Variants in KIF13A observed in about 807,000 individuals in gnomAD.
The protein encoded by KIF13A is kinesin family member 13A.
Under a neutral mutation model 212.2 loss-of-function variants are expected in KIF13A, and 79 were observed. The ratio of observed to expected loss-of-function variants is 0.37; its 90% CI spans 0.31 to 0.45. The LOEUF is 0.45. Ranked by LOEUF, KIF13A falls within the 20% of genes least tolerant of loss-of-function variation. KIF13A has a pLI of 1.00. For missense variants in KIF13A, 1,901 were observed against 2,209.0 expected (o/e 0.86, Z 2.79); for synonymous variants, 789 against 808.6 (o/e 0.98, Z 0.41).
intron 17 of KIF13A, among the ~76,000 whole-genome samples, chr6:17,815,221 G>A (rs116265524): frequency 6.6e-6 from 1 of 152,144 alleles, no homozygotes; most frequent in African/African-American, 2.4e-5. Flanking sequence ...TACTGCTATC[G>A]AGAAGGCAGA....
Position 17,804,395 on chromosome 6 carries a change from T to G in KIF13A, c.2420A>C (p.Gln807Pro). 6.4e-7 allele frequency: 1 copy of G among 1,554,042 alleles called. No homozygotes were observed. The highest frequency in any genetic ancestry group is 8.7e-7 in the Non-Finnish European group (1 of 1,148,028). Residue 807 changes from glutamine (Q) to proline (P), a missense_variant, in exon 20 of 39, where the codon CAG becomes CCG. By Grantham distance (76) the Gln-to-Pro change is moderately conservative. Transcript: ENST00000259711. The part of the protein sequence containing the change: ...LECLFCDVKL[Q>P]YAVPIISQQG... ...CTGGCTGATGATAGGGACTGCATAC[T>G]GAAGTTTCACATCACAGAAGAGGCA...
intron 2 of KIF13A, among the ~76,000 whole-genome samples, chr6:17,941,802 T>C (rs1170378798): frequency 1.3e-5 from 2 of 151,698 alleles, no homozygotes; most frequent in African/African-American, 2.4e-5. Context: ...TTTTTTTTTT[T>C]GGTTCCCAAT....
chr6:17,935,052 A>G (rs1776341711), intron 2 of KIF13A, among the ~76,000 whole-genome samples: 1 of 152,136 alleles, frequency 6.6e-6, no homozygotes. Context: ...CAAAATAAAT[A>G]TTTAATAACA....
chr6:17,763,484 AAAAAAAAAAAAG>A (rs1307029616), downstream of KIF13A, among the ~76,000 whole-genome samples: 2,073 of 150,370 alleles, frequency 0.014, 51 homozygotes, highest in African/African-American at 0.048. Flanking sequence ...TCAAAAAAAA[AAAAAAAAAAAAG>A]AAAAAAGAAA....
intron 38 of KIF13A, among the ~76,000 whole-genome samples, chr6:17,765,594 A>T (rs1181412557): frequency 6.6e-6 from 1 of 152,204 alleles, no homozygotes; most frequent in East Asian, 1.9e-4. Flanking sequence ...AAGTATGAGT[A>T]GAGGGTTTGG....
At chr6:17,765,722 C>T (rs1450875346) in intron 38 of KIF13A, among the ~76,000 whole-genome samples, 1 of 152,112 alleles carries the variant, frequency 6.6e-6, no homozygotes, top group East Asian at 1.9e-4. Context: ...CACCAACTCC[C>T]CAGTCTCTCT....
chr6:17,763,997 G>C lies in KIF13A; in HGVS notation c.*113C>G. On this transcript the variant is annotated 3_prime_UTR_variant, in exon 39 of 39. Transcript: ENST00000259711. ...TCCGACAGAGACAGCTGTGCAGGAAGTGAGCCTGCTTCTCTGTGGGCTCAT... is the reference window on the plus strand; with the variant it reads ...TCCGACAGAGACAGCTGTGCAGGAACTGAGCCTGCTTCTCTGTGGGCTCAT... The C allele has an allele frequency of 6.8e-7, 1 of 1,464,264 alleles. No homozygotes were observed. The highest frequency in any genetic ancestry group is 9.0e-7 in the Non-Finnish European group (1 of 1,107,340). 90.7% of individuals were successfully genotyped at this position (1,464,264 alleles called of 1,614,324 possible). A position where few individuals can be genotyped will look rare whatever the true frequency, so the allele number is the denominator to read the frequency against.
Position 17,982,837 on chromosome 6 carries a change from T to C in KIF13A, c.146+4217A>G, listed in dbSNP as rs1392840868. 3.3e-5 allele frequency among the ~76,000 whole-genome samples: 5 copies of C among 151,918 alleles called. No homozygotes were observed. On this transcript the variant is annotated intron_variant, in intron 2 of 38. Coordinates refer to ENST00000259711, the MANE Select transcript of KIF13A (RefSeq NM_022113.6). The surrounding 1 kb of genome is among the most constrained non-coding windows in gnomAD (Gnocchi z 5.1). Reference sequence around the variant, plus strand: ...CCACCACTACCATTCACACTGAATGTAAAAAAGAATGAGTAAGTCTTAATA... The same window carrying C: ...CCACCACTACCATTCACACTGAATGCAAAAAAGAATGAGTAAGTCTTAATA...
rs116669112 is a variant in KIF13A at position 17,871,367 on chromosome 6, G to A, written c.220+2010C>T. ...TTTCTCTTTCTCTTTAAAATCTGGT[G>A]CCTTTCCAGATTTTATCTCTCCTTG... On this transcript the variant is annotated intron_variant, in intron 4 of 38. Transcript: ENST00000259711. This position sits in a 1 kb window ranked among gnomAD's most constrained non-coding sequence, Gnocchi z 4.4. Among the ~76,000 whole-genome samples, 1,828 of 151,932 alleles carry A rather than the reference G, an allele frequency of 0.012. 38 individuals carry two copies. The highest frequency in any genetic ancestry group is 0.042 in the African/African-American group (1,736 of 41,398).
At position 17,912,153 on chromosome 6, in the gene KIF13A, C is replaced by T. The variant is rs1774129120; in HGVS notation, c.147-13973G>A. On this transcript the variant is annotated intron_variant, in intron 2 of 38. Transcript: ENST00000259711. The surrounding 1 kb of genome is among the most constrained non-coding windows in gnomAD (Gnocchi z 4.2). ...GATAAATGCTTGAGGGGATGGATAC[C>T]CCATTCTCCATGATGTGATTATTAC... 6.6e-6 allele frequency among the ~76,000 whole-genome samples: 1 copy of T among 151,986 alleles called. No homozygotes were observed. The highest frequency in any genetic ancestry group is 6.6e-5 in the Admixed American group (1 of 15,262).
intron 12 of KIF13A, 137 bp from the exon 13 acceptor site, chr6:17,831,372 AAC>A (rs1254995527): frequency 1.0e-5 from 10 of 953,858 alleles, no homozygotes; most frequent in Non-Finnish European, 1.6e-5. Context: ...CAACCACATT[AAC>A]AGAGAGTCTA....
In KIF13A at chr6:17,829,173, C is replaced by T. The variant is rs1367029314; in HGVS notation, c.1402-803G>A. ...TGTTCGCCAGCCTGGTCTTGAACTCCTGGCCTCAAGTGATCCGCCCGCCTT... is the reference window on the plus strand; with the variant it reads ...TGTTCGCCAGCCTGGTCTTGAACTCTTGGCCTCAAGTGATCCGCCCGCCTT... On this transcript the variant is annotated intron_variant, in intron 13 of 38. Transcript: ENST00000259711. The surrounding 1 kb of genome is among the most constrained non-coding windows in gnomAD (Gnocchi z 5.4). 2.0e-5 allele frequency among the ~76,000 whole-genome samples: 3 copies of T among 152,208 alleles called. No individual in the cohort carries two copies. The highest frequency in any genetic ancestry group is 4.4e-5 in the Non-Finnish European group (3 of 68,038).
At chr6:17,937,501 C>T (rs1776570203) in intron 2 of KIF13A, among the ~76,000 whole-genome samples, 2 of 152,202 alleles carry the variant, frequency 1.3e-5, no homozygotes, top group South Asian at 2.1e-4. Flanking sequence ...CTAATTGTGT[C>T]GTCTGGAAAA....
chr6:17,853,269 A>G (rs148605465), intron 6 of KIF13A, among the ~76,000 whole-genome samples: 2 of 152,296 alleles, frequency 1.3e-5, no homozygotes, highest in East Asian at 3.9e-4. Context: ...CACACGATCC[A>G]GTACACAGCT....
intron 2 of KIF13A, among the ~76,000 whole-genome samples, chr6:17,976,147 C>G (rs1238004118): frequency 3.3e-5 from 5 of 152,254 alleles, no homozygotes; most frequent in African/African-American, 9.6e-5. Flanking sequence ...GGATCCCGCA[C>G]CGGGGCTGCA....
intron 3 of KIF13A, among the ~76,000 whole-genome samples, chr6:17,879,270 A>T (rs1203044823): frequency 2.6e-5 from 4 of 152,160 alleles, no homozygotes; most frequent in Non-Finnish European, 4.4e-5. Context: ...GGCAGCAGGA[A>T]CTATGTTCCA....
Position 17,828,059 on chromosome 6 carries a change from G to A in KIF13A, c.1532+181C>T, listed in dbSNP as rs565529430. 8.5e-5 allele frequency among the ~76,000 whole-genome samples: 13 copies of A among 152,214 alleles called. No homozygotes were observed. Among genetic ancestry groups the A allele is most frequent in the Admixed American group, 3.9e-4 (6 of 15,272 alleles). On this transcript the variant is annotated intron_variant, in intron 14 of 38. Transcript: ENST00000259711. This position sits in a 1 kb window ranked among gnomAD's most constrained non-coding sequence, Gnocchi z 4.3. ...TATGGATTAAGTGGAACTAGAACTC[G>A]CATACAAAAATAGTCACTCCTTCAC...
In KIF13A at chr6:17,764,040, A is replaced by C; in HGVS notation, c.*70T>G. 9 of 1,533,654 alleles carry C rather than the reference A, an allele frequency of 5.9e-6. No individual in the cohort carries two copies. Among genetic ancestry groups the C allele is most frequent in the Non-Finnish European group, 7.9e-6 (9 of 1,140,044 alleles). On this transcript the variant is annotated 3_prime_UTR_variant, in exon 39 of 39. Transcript: ENST00000259711. The surrounding 1 kb of genome is among the most constrained non-coding windows in gnomAD (Gnocchi z 5.1). ...GGGCTCATCTTTGCTGTCACAAACA[A>C]CTGGATGAATCTTTCCTACCAAGTT...
intron 3 of KIF13A, among the ~76,000 whole-genome samples, chr6:17,896,979 G>C (rs73723273): frequency 1.3e-5 from 2 of 152,082 alleles, no homozygotes; most frequent in Admixed American, 1.3e-4. Flanking sequence ...TATCTACGTC[G>C]ACAATTGCTC....
Sources: allele counts gnomAD v4.1 joint callset (sites outside exome capture counted in the v4.1 genomes callset), GRCh38; gene constraint gnomAD v4.1.1; non-coding constraint Gnocchi (gnomAD v3.1); transcripts MANE v1.5; gene names NCBI Gene and HGNC (gene_info 2026-07-23, HGNC 2026-07-21).